The following CFAP52 variants were observed in gnomAD, a reference collection of about 807,000 sequenced individuals.
CFAP52 encodes cilia and flagella associated protein 52.
CFAP52 carries 57 observed loss-of-function variants against 70.5 expected under a neutral mutation model. The ratio of observed to expected loss-of-function variants is 0.81; its 90% CI spans 0.65 to 1.01. CFAP52 has a LOEUF of 1.01. Among genes scored for constraint, CFAP52 ranks in the 50% least tolerant of loss-of-function variants. CFAP52 has a pLI of 0.00. For synonymous variants in CFAP52, 267 were observed against 292.5 expected, an observed-to-expected ratio of 0.91 and a Z score of 0.89; for missense variants, 785 against 788.5, an observed-to-expected ratio of 1.00 and a Z score of 0.05.
chr17:9,593,990 C>A lies in CFAP52; in HGVS notation c.408-203C>A, dbSNP rs368425154. On this transcript the variant is annotated intron_variant, in intron 3 of 13. Coordinates refer to ENST00000352665, the MANE Select transcript of CFAP52 (RefSeq NM_145054.5). ...CAAAAAGAAACAATAACAACAACAACAAAAAACTTTTAATGTGTCACCGTT... is the reference window on the plus strand; with the variant it reads ...CAAAAAGAAACAATAACAACAACAAAAAAAAACTTTTAATGTGTCACCGTT... Among the ~76,000 whole-genome samples, 215 of 152,136 alleles carry A rather than the reference C, an allele frequency of 1.4e-3. 1 individual carries two copies. The highest frequency in any genetic ancestry group is 4.8e-3 in the African/African-American group (201 of 41,522).
intron 3 of CFAP52, among the ~76,000 whole-genome samples, chr17:9,593,402 C>T (rs746680204): frequency 1.1e-4 from 17 of 152,192 alleles, no homozygotes; most frequent in Non-Finnish European, 2.1e-4. Context: ...TCAGAAACTG[C>T]GGTGCTGTGG....
intron 5 of CFAP52, 190 bp downstream of exon 5, chr17:9,598,523 A>G: frequency 2.3e-6 from 1 of 434,794 alleles, no homozygotes; most frequent in Non-Finnish European, 4.1e-6. Flanking sequence ...GCATTTTGGG[A>G]GGCGGAGGTG....
At chr17:9,592,266 C>T (rs1908797303) in intron 3 of CFAP52, among the ~76,000 whole-genome samples, 1 of 152,042 alleles carries the variant, frequency 6.6e-6, no homozygotes, top group African/African-American at 2.4e-5. Flanking sequence ...AGTTCGAGAA[C>T]AGCCCGGCCA....
intron 6 of CFAP52, among the ~76,000 whole-genome samples, chr17:9,600,563 T>C (rs112138345): frequency 1.3e-5 from 2 of 151,864 alleles, no homozygotes; most frequent in Non-Finnish European, 2.9e-5. Context: ...CTTTGTTTGT[T>C]TGTTTGTTTG....
rs578209806 is a variant in CFAP52 at position 9,631,967 on chromosome 17, C to T, written c.1175-921C>T. On this transcript the variant is annotated intron_variant, in intron 9 of 13. Coordinates refer to ENST00000352665, the MANE Select transcript of CFAP52 (RefSeq NM_145054.5). ...TAATTTTTTTTAGTAGAGGTGGGGT[C>T]TTGCCATGTTGACCAGGCTGGTCTC... Among the ~76,000 whole-genome samples the T allele has an allele frequency of 2.3e-4, 35 of 151,956 alleles. No individual in the cohort carries two copies. In the Middle Eastern group the frequency reaches 0.01, roughly 44 times the overall value.
In CFAP52 at chr17:9,587,157, A is replaced by G. The variant is rs1474598021; in HGVS notation, c.407+323A>G. On this transcript the variant is annotated intron_variant, in intron 3 of 13. Transcript: ENST00000352665. ...CTCCTGCATTAGGTTGCTAAGGATA[A>G]TGGCCTCCAGCTCCATCCATGTTTC... Among the ~76,000 whole-genome samples the G allele has an allele frequency of 7.9e-5, 12 of 152,152 alleles. 1 individual carries two copies. The South Asian group carries it at 2.3e-3, about 29-fold the overall frequency.
intron 7 of CFAP52, among the ~76,000 whole-genome samples, chr17:9,612,081 A>G (rs1343564008): frequency 9.2e-5 from 14 of 152,238 alleles, no homozygotes; most frequent in Non-Finnish European, 4.4e-5. Flanking sequence ...TCAAAACGTT[A>G]TCTCACTGAA....
rs776266650 is a variant in CFAP52 at position 9,576,764 on chromosome 17, T to A, written c.69T>A (p.Asn23Lys). The A allele has an allele frequency of 6.2e-7, 1 of 1,611,566 alleles. No individual in the cohort carries two copies. Among genetic ancestry groups the A allele is most frequent in the Non-Finnish European group, 8.5e-7 (1 of 1,178,918 alleles). The change falls in exon 1 of 14, where the codon AAT becomes AAA. Residue 23 changes from asparagine (N) to lysine (K), a missense_variant and splice_region_variant. Physicochemically the swap from Asn to Lys is moderately conservative, Grantham distance 94. Coordinates refer to ENST00000352665, the MANE Select transcript of CFAP52 (RefSeq NM_145054.5). ...AACTTGACGCCGTGATCGGCTTCAA[T>A]GGTGAGGCCTCCAGCATCTTTGGGC... ...ELELDAVIGF[N>K]GHVPTGLKCH...
intron 1 of CFAP52, among the ~76,000 whole-genome samples, chr17:9,580,569 G>T (rs550816637): frequency 6.6e-6 from 1 of 151,968 alleles, no homozygotes; most frequent in South Asian, 2.1e-4. Context: ...CATGCCTGTA[G>T]TCCCAGCTAT....
At chr17:9,623,694 G>A (rs529483330) in intron 8 of CFAP52, among the ~76,000 whole-genome samples, 1 of 151,928 alleles carries the variant, frequency 6.6e-6, no homozygotes, top group African/African-American at 2.4e-5. Context: ...TTGTTTGTTT[G>A]TTTGTTTAAG....
At chr17:9,600,597 C>T (rs749510038) in intron 6 of CFAP52, among the ~76,000 whole-genome samples, 4 of 152,044 alleles carry the variant, frequency 2.6e-5, no homozygotes, top group African/African-American at 4.8e-5. Context: ...AAGAGTCTCG[C>T]TCTGTCGCCC....
At position 9,598,214 on chromosome 17, in the gene CFAP52, T is replaced by G; in HGVS notation, c.537-20T>G. 6.6e-7 allele frequency: 1 copy of G among 1,516,310 alleles called. No individual in the cohort carries two copies. The highest frequency in any genetic ancestry group is 1.2e-5 in the South Asian group (1 of 82,878). The allele number at this position is 1,516,310 out of a possible 1,614,324, so 93.9% of individuals were successfully genotyped here. On this transcript the variant is annotated intron_variant, in intron 4 of 13. Transcript: ENST00000352665. ...GGGTGTCCATTTGATTGTGGTTTTT[T>G]GTTTTTTTTTTTTACATAGTGGGAC...
chr17:9,623,235 T>C (rs1307129033), intron 8 of CFAP52, among the ~76,000 whole-genome samples: 1 of 152,222 alleles, frequency 6.6e-6, no homozygotes, highest in Non-Finnish European at 1.5e-5. Context: ...CTTTGTATAA[T>C]TTTAATGTAC....
intron 8 of CFAP52, among the ~76,000 whole-genome samples, chr17:9,623,628 A>G (rs1910128335): frequency 6.6e-6 from 1 of 152,098 alleles, no homozygotes; most frequent in African/African-American, 2.4e-5. Context: ...CTAAGTTGTC[A>G]TCTGTTACCT....
chr17:9,597,831 A>AGAGAGAGAGAG (rs57688684), intron 4 of CFAP52, among the ~76,000 whole-genome samples: 5 of 131,690 alleles, frequency 3.8e-5, no homozygotes, highest in Admixed American at 7.6e-5. Flanking sequence ...GAGAGAGAGA[A>AGAGAGAGAGAG]AGAGAGAAAG....
chr17:9,613,155 TC>T (rs1399087389), intron 8 of CFAP52, among the ~76,000 whole-genome samples: 3 of 151,710 alleles, frequency 2.0e-5, no homozygotes, highest in African/African-American at 7.3e-5. Flanking sequence ...CAAACTTCTT[TC>T]CTGTCATTTG....
intron 3 of CFAP52, among the ~76,000 whole-genome samples, chr17:9,591,593 T>C (rs565759766): frequency 6.6e-6 from 1 of 152,306 alleles, no homozygotes; most frequent in South Asian, 2.1e-4. Context: ...AAATTTGTGT[T>C]TGTGCGGGGT....
At chr17:9,595,368 A>G (rs1172170325) in intron 4 of CFAP52, among the ~76,000 whole-genome samples, 1 of 152,056 alleles carries the variant, frequency 6.6e-6, no homozygotes, top group East Asian at 1.9e-4. Context: ...TATGATATGC[A>G]ACTTACATTT....
intron 6 of CFAP52, among the ~76,000 whole-genome samples, chr17:9,600,402 C>T (rs138780836): frequency 3.3e-5 from 5 of 151,990 alleles, no homozygotes; most frequent in Admixed American, 6.6e-5. Context: ...CCACCACACC[C>T]GACTAATTTT....
Sources: allele counts gnomAD v4.1 joint callset (sites outside exome capture counted in the v4.1 genomes callset), GRCh38; gene constraint gnomAD v4.1.1; transcripts MANE v1.5; gene names NCBI Gene and HGNC (gene_info 2026-07-23, HGNC 2026-07-21).